Variants in COL4A4 observed in about 807,000 individuals in gnomAD.
COL4A4 encodes the protein collagen alpha-4(IV) chain.
A neutral mutation model predicts 192.9 loss-of-function variants in COL4A4; 105 were observed. The observed-to-expected ratio is 0.54, with a 90% CI of 0.46 to 0.64. The LOEUF (loss-of-function observed/expected upper bound fraction) is 0.64. COL4A4 is among the 30% of genes least tolerant of loss of function. The probability of loss-of-function intolerance (pLI) is 0.00; values close to 1 mark genes in which losing one functional copy is unlikely to be tolerated. For synonymous variants in COL4A4, 762 were observed against 769.9 expected (o/e 0.99, Z 0.17); for missense variants, 1,967 against 2,169.3 (o/e 0.91, Z 1.85).
In COL4A4 at chr2:227,147,993, A is replaced by G. The variant is rs1576877777; in HGVS notation, c.-101-409T>C. 2.0e-5 allele frequency among the ~76,000 whole-genome samples: 3 copies of G among 152,246 alleles called. No individual in the cohort carries two copies. The South Asian group carries it at 6.2e-4, about 32-fold the overall frequency. On this transcript the variant is annotated intron_variant, in intron 1 of 47. Coordinates refer to ENST00000396625, the MANE Select transcript of COL4A4 (RefSeq NM_000092.5). ...TATGAAACTAGAAAAGGAAACTTCT[A>G]GTATACAAACATACATTTTTGTATA...
At chr2:227,155,889 C>A (rs1470818938) in intron 1 of COL4A4, among the ~76,000 whole-genome samples, 1 of 152,206 alleles carries the variant, frequency 6.6e-6, no homozygotes, top group East Asian at 1.9e-4. Flanking sequence ...AAAAATTACA[C>A]TTCGCCATGT....
intron 41 of COL4A4, 65 bp downstream of exon 41, chr2:227,030,378 C>A: frequency 1.3e-6 from 2 of 1,541,758 alleles, no homozygotes; most frequent in South Asian, 1.1e-5. Context: ...GGCACAGTAC[C>A]CCAGACCCTC....
chr2:227,094,338 G>T (rs774833701), intron 19 of COL4A4, 49 bp from the exon 20 acceptor site: 73 of 1,572,588 alleles, frequency 4.6e-5, no homozygotes, highest in Non-Finnish European at 5.9e-5. Flanking sequence ...CAGAGTAAAC[G>T]TCTCTGTAGA....
chr2:227,108,647 T>G (rs1474611586), intron 11 of COL4A4, 25 bp from the exon 12 acceptor site: 9 of 1,613,028 alleles, frequency 5.6e-6, no homozygotes, highest in Non-Finnish European at 7.6e-6. Flanking sequence ...AAAAAGAATC[T>G]AATTGCTTTT....
downstream of COL4A4, among the ~76,000 whole-genome samples, chr2:227,000,461 A>C (rs904511452): frequency 6.6e-6 from 1 of 152,248 alleles, no homozygotes; most frequent in Non-Finnish European, 1.5e-5. Flanking sequence ...AAACATAAAA[A>C]TGATTACAGG....
chr2:227,127,602 T>C (rs1156277946), intron 4 of COL4A4, among the ~76,000 whole-genome samples: 1 of 152,172 alleles, frequency 6.6e-6, no homozygotes. Flanking sequence ...GATAAGAGGG[T>C]ATGTACTGTA....
intron 4 of COL4A4, among the ~76,000 whole-genome samples, chr2:227,136,954 A>G (rs1167385721): frequency 6.7e-6 from 1 of 150,298 alleles, no homozygotes; most frequent in Non-Finnish European, 1.5e-5. Context: ...AGGACTTGAC[A>G]GTGCTACTTT....
intron 7 of COL4A4, among the ~76,000 whole-genome samples, chr2:227,118,310 C>T (rs1405779121): frequency 6.6e-6 from 1 of 152,182 alleles, no homozygotes; most frequent in Non-Finnish European, 1.5e-5. Context: ...GCTACCTGGT[C>T]TCTCTGCTCT....
chr2:227,070,635 C>T (rs1576308576), intron 25 of COL4A4, among the ~76,000 whole-genome samples: 1 of 147,120 alleles, frequency 6.8e-6, no homozygotes, highest in Non-Finnish European at 1.5e-5. Flanking sequence ...AACCAAACAC[C>T]ACATATTCTC....
Position 227,060,212 on chromosome 2 carries a change from G to T in COL4A4, c.2088C>A (p.Ala696=). 6.2e-7 allele frequency: 1 copy of T among 1,611,712 alleles called. No homozygotes were observed. The highest frequency in any genetic ancestry group is 8.5e-7 in the Non-Finnish European group (1 of 1,179,462). The change falls in exon 27 of 48, where the codon GCC becomes GCA. Residue 696 remains alanine, a synonymous_variant. Transcript: ENST00000396625. ...GPKGFPGPQG[A]PGLSGSDGHK... Reference sequence around the variant, plus strand: ...GCCCATCTGAACCACTCAGCCCAGGGGCACCTTGGGGACCTGGAAATCCCT... The same window carrying T: ...GCCCATCTGAACCACTCAGCCCAGGTGCACCTTGGGGACCTGGAAATCCCT...
At chr2:227,018,119 C>G (rs1219322884) in intron 44 of COL4A4, among the ~76,000 whole-genome samples, 2 of 152,172 alleles carry the variant, frequency 1.3e-5, no homozygotes, top group African/African-American at 2.4e-5. Flanking sequence ...ATAAGCCCAA[C>G]CTTTCCTTAA....
intron 4 of COL4A4, among the ~76,000 whole-genome samples, chr2:227,132,773 T>G (rs2062564763): frequency 6.6e-6 from 1 of 151,234 alleles, no homozygotes; most frequent in African/African-American, 2.4e-5. Flanking sequence ...AGACTCTGTC[T>G]AAAAAATAAA....
intron 7 of COL4A4, among the ~76,000 whole-genome samples, chr2:227,117,862 C>T (rs1481501028): frequency 6.6e-6 from 1 of 152,150 alleles, no homozygotes; most frequent in Non-Finnish European, 1.5e-5. Flanking sequence ...TGTTGCTGGA[C>T]ATCCATTCCA....
Position 227,060,178 on chromosome 2 carries a change from TG to T in COL4A4, c.2121del (p.Arg708AspfsTer45). ...PGLSGSDGHK[G>X]RPGTPGTAEI... ...TCCGCTGTTCCTGGTGTGCCAGGTC[TG>T]CCTTTATGCCCATCTGAACCACTCA... On this transcript the variant is annotated frameshift_variant, in exon 27 of 48. Coordinates refer to ENST00000396625, the MANE Select transcript of COL4A4 (RefSeq NM_000092.5). LOFTEE classifies it high-confidence loss of function. 1 of 1,602,474 alleles carries T rather than the reference TG, an allele frequency of 6.2e-7. No homozygotes were observed. The highest frequency in any genetic ancestry group is 1.4e-5 in the African/African-American group (1 of 73,082).
intron 18 of COL4A4, 56 bp from the exon 19 acceptor site, chr2:227,098,854 A>G: frequency 1.4e-6 from 2 of 1,400,456 alleles, no homozygotes; most frequent in South Asian, 1.2e-5. Flanking sequence ...TTTTAAAATT[A>G]AGACAACAAT....
At chr2:226,971,853 T>G in the COL4A4 span, among the ~76,000 whole-genome samples, 319 of 152,284 alleles carry the variant, frequency 2.1e-3, no homozygotes, top group Middle Eastern at 6.8e-3. Context: ...CTCTAGAATT[T>G]GGTGGCAAGG....
the COL4A4 span, chr2:226,995,465 T>C: frequency 6.2e-7 from 1 of 1,613,334 alleles, no homozygotes; most frequent in Non-Finnish European, 8.5e-7. Flanking sequence ...CCTACGGGTT[T>C]CATCTCTCAC....
Position 227,054,632 on chromosome 2 carries a change from G to T in COL4A4, c.2822C>A (p.Ser941Tyr). The change falls in exon 31 of 48, where the codon TCT (serine) becomes TAT (tyrosine). Residue 941 changes from serine (S) to tyrosine (Y), a missense_variant. Transcript: ENST00000396625. The part of the protein sequence containing the change: ...AKGEPGEKGM[S>Y]GLPGDRGLRG... ...CAGTCCCCGGTCTCCAGGAAGGCCA[G>T]ACATGCCCTTCTCTCCAGGTTCTCC... 6.2e-7 allele frequency: 1 copy of T among 1,614,198 alleles called. No individual in the cohort carries two copies. Among genetic ancestry groups the T allele is most frequent in the Non-Finnish European group, 8.5e-7 (1 of 1,180,006 alleles).
chr2:227,150,018 T>G (rs2063821412), intron 1 of COL4A4, among the ~76,000 whole-genome samples: 1 of 152,204 alleles, frequency 6.6e-6, no homozygotes, highest in African/African-American at 2.4e-5. Flanking sequence ...AATAGCGATT[T>G]TGTCTTTTTT....
Sources: allele counts gnomAD v4.1 joint callset (sites outside exome capture counted in the v4.1 genomes callset), GRCh38; gene constraint gnomAD v4.1.1; transcripts MANE v1.5; gene names NCBI Gene and HGNC (gene_info 2026-07-23, HGNC 2026-07-21).